The following MAP3K15 variants were observed in gnomAD, a reference collection of about 807,000 sequenced individuals.
MAP3K15 encodes MAPK/ERK kinase kinase 15.
MAP3K15 carries 124 observed loss-of-function variants against 99.5 expected under a neutral mutation model. The observed-to-expected ratio is 1.25, with a 90% CI of 1.08 to 1.45. MAP3K15 has a LOEUF of 1.45. MAP3K15 is among the 40% of genes most tolerant of loss of function. MAP3K15 has a pLI of 0.00. For synonymous variants in MAP3K15, 494 were observed against 439.6 expected (o/e 1.12, Z -1.55); for missense variants, 1,242 against 1,079.7 (o/e 1.15, Z -2.11).
intron 18 of MAP3K15, among the ~76,000 whole-genome samples, chrX:19,388,197 G>A (rs1330292471): frequency 2.7e-5 from 3 of 112,288 alleles, no homozygotes; most frequent in African/African-American, 9.7e-5. Context: ...CTGTCACCCA[G>A]GCTGGAGTGC....
intron 18 of MAP3K15, 105 bp from the exon 19 acceptor site, chrX:19,380,382 G>C (rs2063450709): frequency 1.6e-5 from 14 of 903,147 alleles, no homozygotes; most frequent in Non-Finnish European, 2.2e-5. Flanking sequence ...GATCACCTGA[G>C]CCCAGGTGTT....
chrX:19,431,841 G>A (rs1217633046), intron 6 of MAP3K15, among the ~76,000 whole-genome samples: 2 of 110,697 alleles, frequency 1.8e-5, no homozygotes, highest in African/African-American at 6.6e-5. Context: ...CTACTTGGGA[G>A]TATGAGGCAG....
intron 4 of MAP3K15, among the ~76,000 whole-genome samples, chrX:19,460,953 C>T (rs1447482740): frequency 9.7e-6 from 1 of 103,096 alleles, no homozygotes; most frequent in African/African-American, 3.6e-5. Context: ...TTTTGTATTG[C>T]TATTAGAGAC....
chrX:19,416,101 T>G (rs1602288379), intron 9 of MAP3K15, among the ~76,000 whole-genome samples: 3 of 111,482 alleles, frequency 2.7e-5, no homozygotes, highest in South Asian at 7.5e-4. Flanking sequence ...GAGGCCTAGG[T>G]GGGCAGATGA....
intron 19 of MAP3K15, among the ~76,000 whole-genome samples, chrX:19,374,986 T>C (rs1232611282): frequency 9.2e-6 from 1 of 108,643 alleles, no homozygotes. Flanking sequence ...GCCCAGGAGG[T>C]ACGACCCCGT....
At chrX:19,472,924 T>C (rs147206241) in intron 3 of MAP3K15, among the ~76,000 whole-genome samples, 4,917 of 111,740 alleles carry the variant, frequency 0.044, 173 homozygotes, top group African/African-American at 0.11. Context: ...AAAACTGGAT[T>C]TTGACAAACA....
chrX:19,456,672 G>A (rs1175934929), intron 6 of MAP3K15, among the ~76,000 whole-genome samples: 1 of 112,089 alleles, frequency 8.9e-6, no homozygotes, highest in East Asian at 2.8e-4. Context: ...GATATGTGAA[G>A]CCGGGGGTGC....
Position 19,373,020 on chromosome X carries a change from A to G in MAP3K15, c.2934-193T>C, listed in dbSNP as rs2063387682. ...ACCCCCACAGCAGGAGGGAGAGCAG[A>G]AGGAGGGGGAGGCGGGGTAAAGGAG... On this transcript the variant is annotated intron_variant, in intron 21 of 28. Transcript: ENST00000338883. 2.6e-5 allele frequency: 5 copies of G among 192,688 alleles called. No individual in the cohort carries two copies. In the East Asian group the frequency reaches 4.1e-4, roughly 16 times the overall value. 15.9% of individuals were successfully genotyped at this position (192,688 alleles called of 1,213,427 possible). A position where few individuals can be genotyped will look rare whatever the true frequency, so the allele number is the denominator to read the frequency against.
At chrX:19,421,722 G>A (rs1323362102) in intron 9 of MAP3K15, among the ~76,000 whole-genome samples, 1 of 106,851 alleles carries the variant, frequency 9.4e-6, no homozygotes, top group African/African-American at 3.7e-5. Context: ...GCATTGCCAA[G>A]ACAATCCTAA....
chrX:19,459,238 G>A (rs775033250), intron 5 of MAP3K15, among the ~76,000 whole-genome samples: 46 of 111,727 alleles, frequency 4.1e-4, no homozygotes, highest in Admixed American at 3.9e-3. Context: ...GTGTGACCTC[G>A]GGCAAGTTAC....
intron 13 of MAP3K15, 32 bp from the exon 14 acceptor site, chrX:19,400,695 A>G: frequency 1.0e-6 from 1 of 966,969 alleles, no homozygotes; most frequent in Non-Finnish European, 1.5e-6. Flanking sequence ...ATACGTTGCC[A>G]ACTCAGAACT....
chrX:19,502,196 C>G (rs1298312840), intron 1 of MAP3K15, among the ~76,000 whole-genome samples: 1 of 106,050 alleles, frequency 9.4e-6, no homozygotes, highest in Admixed American at 1.1e-4. Context: ...GAAAGCTGAA[C>G]AGGTATTGAT....
chrX:19,400,834 G>T, intron 13 of MAP3K15, among the ~76,000 whole-genome samples, 171 bp from the exon 14 acceptor site: 1 of 111,586 alleles, frequency 9.0e-6, no homozygotes, highest in Middle Eastern at 4.2e-3. Flanking sequence ...ATCAAATCTA[G>T]GGCAACTACC....
At chrX:19,439,495 T>A (rs1243439862) in intron 6 of MAP3K15, among the ~76,000 whole-genome samples, 1 of 111,317 alleles carries the variant, frequency 9.0e-6, no homozygotes, top group African/African-American at 3.3e-5. Flanking sequence ...TGAGACAGGA[T>A]CTCACTGTCA....
intron 1 of MAP3K15, among the ~76,000 whole-genome samples, chrX:19,504,135 G>A (rs2064459111): frequency 9.4e-6 from 1 of 106,293 alleles, no homozygotes; most frequent in South Asian, 4.4e-4. Flanking sequence ...GGTGAGGGGA[G>A]GGGAGGGGGA....
intron 2 of MAP3K15, among the ~76,000 whole-genome samples, chrX:19,487,135 G>A (rs768614064): frequency 3.6e-5 from 3 of 83,044 alleles, no homozygotes; most frequent in East Asian, 4.9e-4. Context: ...GGGGTGGGGG[G>A]GGGGAAGGGC....
intron 1 of MAP3K15, among the ~76,000 whole-genome samples, chrX:19,493,346 CAAAAAAA>C (rs755083263): frequency 2.7e-3 from 135 of 49,174 alleles, no homozygotes; most frequent in African/African-American, 9.1e-3. Context: ...TACTGCTACT[CAAAAAAA>C]AAAAAAAAAA....
intron 6 of MAP3K15, among the ~76,000 whole-genome samples, chrX:19,437,419 C>G (rs750829303): frequency 2.4e-4 from 27 of 111,630 alleles, no homozygotes; most frequent in African/African-American, 7.8e-4. Flanking sequence ...TCATCTCTTA[C>G]CACTCCTGTG....
intron 6 of MAP3K15, among the ~76,000 whole-genome samples, chrX:19,447,666 G>A (rs1243943838): frequency 1.9e-5 from 2 of 102,985 alleles, no homozygotes; most frequent in Non-Finnish European, 4.0e-5. Flanking sequence ...GGCAGATCAC[G>A]AGGTCAGGAG....
Sources: gnomAD v4.1 joint callset for allele counts (sites outside exome capture counted in the v4.1 genomes callset) on GRCh38, gnomAD v4.1.1 for gene constraint, MANE v1.5 for transcripts, NCBI Gene and HGNC (gene_info 2026-07-23, HGNC 2026-07-21) for gene names.